Variants in TOGARAM1 observed in about 807,000 individuals in gnomAD.
TOGARAM1 encodes the protein TOG array regulator of axonemal microtubules 1.
In TOGARAM1, 100 loss-of-function variants were observed where a neutral mutation model predicts 166.6. The observed-to-expected ratio is 0.60, with a 90% CI of 0.51 to 0.71. The LOEUF is 0.71. Among genes scored for constraint, TOGARAM1 ranks in the 30% least tolerant of loss-of-function variants. TOGARAM1 has a pLI of 0.00. For missense variants in TOGARAM1, 2,029 were observed against 2,102.7 expected, an observed-to-expected ratio of 0.96 and a Z score of 0.69; for synonymous variants, 758 against 763.8, an observed-to-expected ratio of 0.99 and a Z score of 0.13.
At chr14:45,047,946 C>T (rs1882157653) in intron 14 of TOGARAM1, among the ~76,000 whole-genome samples, 1 of 151,836 alleles carries the variant, frequency 6.6e-6, no homozygotes, top group African/African-American at 2.4e-5. Flanking sequence ...ATCCCAGCTA[C>T]CCAGGAGGCT....
chr14:45,045,583 A>ATGTGTGTG (rs1200414644), intron 13 of TOGARAM1, among the ~76,000 whole-genome samples: 4 of 37,470 alleles, frequency 1.1e-4, no homozygotes, highest in Non-Finnish European at 1.3e-4. Context: ...ATATATATAT[A>ATGTGTGTG]TGTGTGTGTG....
At chr14:44,967,422 G>A (rs1566593954) in intron 1 of TOGARAM1, among the ~76,000 whole-genome samples, 1 of 152,076 alleles carries the variant, frequency 6.6e-6, no homozygotes, top group African/African-American at 2.4e-5. Flanking sequence ...TAAAGTTTAA[G>A]ATTTCGTTAC....
chr14:45,010,215 A>C (rs1214184460), intron 6 of TOGARAM1, among the ~76,000 whole-genome samples: 5 of 152,214 alleles, frequency 3.3e-5, no homozygotes, highest in Non-Finnish European at 7.3e-5. Flanking sequence ...TCATAGAATT[A>C]AACTGAATTT....
rs190709469 is a variant in TOGARAM1, at chr14:44,989,090, A to T, written c.2047-6656A>T. Among the ~76,000 whole-genome samples the T allele has an allele frequency of 2.6e-5, 4 of 152,372 alleles. No individual in the cohort carries two copies. The East Asian group carries it at 7.7e-4, about 29-fold the overall frequency. On this transcript the variant is annotated intron_variant, in intron 1 of 19. Coordinates refer to ENST00000361462, the MANE Select transcript of TOGARAM1 (RefSeq NM_001308120.2). ...TGTTGTTTTAATCTACCATTTAGGG[A>T]TAACACATTAAACAGCAATACATAA...
At chr14:44,995,434 G>C (rs938737893) in intron 1 of TOGARAM1, 2 of 463,226 alleles carry the variant, frequency 4.3e-6, no homozygotes, top group South Asian at 3.1e-5. Flanking sequence ...GGGTTACGCT[G>C]CTCCGTCAGA....
chr14:45,052,670 A>G, intron 15 of TOGARAM1, 108 bp downstream of exon 15: 1 of 1,035,374 alleles, frequency 9.7e-7, no homozygotes, highest in Non-Finnish European at 1.4e-6. Context: ...TCTGTTAATC[A>G]TTTGGACTAT....
At chr14:45,042,131 C>T (rs1477126698) in intron 11 of TOGARAM1, 1 of 152,214 alleles carries the variant, frequency 6.6e-6, no homozygotes, top group Non-Finnish European at 1.5e-5. Context: ...GCAGTCTCTG[C>T]TGCCATCCCT....
chr14:45,032,102 G>A (rs1220418262), intron 10 of TOGARAM1, 121 bp from the exon 11 acceptor site: 3 of 802,848 alleles, frequency 3.7e-6, no homozygotes, highest in East Asian at 2.9e-5. Flanking sequence ...GGAGGTTGCA[G>A]TGAGCTAAGA....
chr14:45,060,211 C>T (rs1027350262), intron 16 of TOGARAM1, among the ~76,000 whole-genome samples: 2 of 148,838 alleles, frequency 1.3e-5, no homozygotes, highest in African/African-American at 5.0e-5. Flanking sequence ...AGACACTGCA[C>T]CCGGCCTTTT....
chr14:45,045,074 T>C (rs1298729780), intron 13 of TOGARAM1, among the ~76,000 whole-genome samples: 1 of 152,196 alleles, frequency 6.6e-6, no homozygotes, highest in African/African-American at 2.4e-5. Context: ...TATGTATACT[T>C]CTTTTGTCCC....
chr14:44,987,857 A>G (rs1419053849), intron 1 of TOGARAM1, among the ~76,000 whole-genome samples: 2 of 149,224 alleles, frequency 1.3e-5, no homozygotes, highest in East Asian at 2.0e-4. Flanking sequence ...AACCAACCCA[A>G]ATGTCCAACA....
In TOGARAM1 at chr14:44,969,172, CT is replaced by C. The variant is rs774045525; in HGVS notation, c.2046+4718del. Among the ~76,000 whole-genome samples, 796 of 105,114 alleles carry C rather than the reference CT, an allele frequency of 7.6e-3. 9 individuals carry two copies. The highest frequency in any genetic ancestry group is 0.025 in the African/African-American group (663 of 26,484). The allele number at this position is 105,114 out of a possible 152,430, so 69.0% of individuals were successfully genotyped here. A position where few individuals can be genotyped will look rare whatever the true frequency, so the allele number is the denominator to read the frequency against. ...TTTCTTTCTTTCTTTTCTTTCTTTT[CT>C]TTTTTTTTTTTTGTGAGACAGCCCA... On this transcript the variant is annotated intron_variant, in intron 1 of 19. Transcript: ENST00000361462.
chr14:45,058,534 C>T (rs1168202275), intron 16 of TOGARAM1, among the ~76,000 whole-genome samples: 1 of 152,108 alleles, frequency 6.6e-6, no homozygotes, highest in African/African-American at 2.4e-5. Context: ...ACCTCATGAT[C>T]CATCTGCGTT....
At chr14:44,995,703 A>G (rs1441169436) in intron 1 of TOGARAM1, 43 bp from the exon 2 acceptor site, 2 of 1,371,412 alleles carry the variant, frequency 1.5e-6, no homozygotes, top group East Asian at 4.7e-5. Context: ...ATTACCAGGA[A>G]GAATTAACAC....
chr14:44,963,534 C>G lies in TOGARAM1; in HGVS notation c.1113C>G (p.Ala371=). The change falls in exon 1 of 20, where the codon GCC becomes GCG. Residue 371 remains alanine (A), a synonymous_variant. Transcript: ENST00000361462. ...DQEDYKNRTQ[A]VEELKQVLGK... ...AAGACTATAAGAACCGGACCCAGGC[C>G]GTCGAAGAACTAAAGCAGGTGCTGG... 1.2e-6 allele frequency: 2 copies of G among 1,614,000 alleles called. No homozygotes were observed. The highest frequency in any genetic ancestry group is 2.2e-5 in the East Asian group (1 of 44,892).
At chr14:45,044,973 A>G (rs901698945) in intron 13 of TOGARAM1, 103 bp downstream of exon 13, 47 of 759,212 alleles carry the variant, frequency 6.2e-5, no homozygotes, top group Non-Finnish European at 9.4e-5. Flanking sequence ...ATATCAGTCA[A>G]AAAACATTTA....
In TOGARAM1 at chr14:45,044,803, T is replaced by C. The variant is rs1327710831; in HGVS notation, c.4087T>C (p.Leu1363=). The C allele has an allele frequency of 2.5e-6, 4 of 1,614,074 alleles. No homozygotes were observed. Among genetic ancestry groups the C allele is most frequent in the Admixed American group, 1.7e-5 (1 of 60,008 alleles). The change falls in exon 13 of 20, where the codon TTG becomes CTG. Residue 1363 remains leucine (L), a synonymous_variant. Transcript: ENST00000361462. ...TATAAGAGAAGATGTTGACAAAGCA[T>C]TGAGAGCTATGGTTAATAATGTAAC... ...TFIREDVDKA[L]RAMVNNVTPA...
rs950706411 is a variant in TOGARAM1 at position 45,011,647 on chromosome 14, T to A, written c.3138-328T>A. Among the ~76,000 whole-genome samples the A allele has an allele frequency of 4.1e-5, 6 of 147,574 alleles. No individual in the cohort carries two copies. In the Admixed American group the frequency reaches 4.1e-4, roughly 10 times the overall value. On this transcript the variant is annotated intron_variant, in intron 6 of 19. Transcript: ENST00000361462. ...GGTTTTAGAATGGATTCTTGGATCA[T>A]TTTTTTTTTTCCTTAGGGATTATAC... is the stretch of plus-strand genomic sequence containing the variant.
chr14:45,036,755 T>G (rs1246184064), intron 11 of TOGARAM1, among the ~76,000 whole-genome samples: 1 of 152,176 alleles, frequency 6.6e-6, no homozygotes, highest in Non-Finnish European at 1.5e-5. Flanking sequence ...TCTTAGAAGC[T>G]CATTGTTTGG....
Sources: allele counts gnomAD v4.1 joint callset (sites outside exome capture counted in the v4.1 genomes callset), GRCh38; gene constraint gnomAD v4.1.1; transcripts MANE v1.5; gene names NCBI Gene and HGNC (gene_info 2026-07-23, HGNC 2026-07-21).